ASIC1: variants seen among roughly 807,000 people sequenced by gnomAD.
ASIC1 encodes the protein acid-sensing ion channel 1.
In ASIC1, 21 loss-of-function variants were observed where a neutral mutation model predicts 63.4. The ratio of observed to expected loss-of-function variants is 0.33; its 90% CI spans 0.23 to 0.48. The LOEUF (loss-of-function observed/expected upper bound fraction) is 0.48, where lower values mean the gene tolerates loss of function less well. Ranked by LOEUF, ASIC1 falls within the 20% of genes least tolerant of loss-of-function variation. The pLI, the probability that ASIC1 is intolerant of heterozygous loss-of-function variation, is 0.99. For synonymous variants in ASIC1, 258 were observed against 278.2 expected (o/e 0.93, Z 0.72); for missense variants, 478 against 695.5 (o/e 0.69, Z 3.52).
intron 9 of ASIC1, 81 bp from the exon 10 acceptor site, chr12:50,081,021 T>C: frequency 7.9e-7 from 1 of 1,271,960 alleles, no homozygotes; most frequent in Non-Finnish European, 1.1e-6. Flanking sequence ...AGAATACAAC[T>C]TGCCTGCCCC....
Position 50,082,892 on chromosome 12 carries a change from C to G in ASIC1, c.*1243C>G, listed in dbSNP as rs1186249934. The G allele has an allele frequency of 6.5e-6, 1 of 152,940 alleles. No individual in the cohort carries two copies. Among genetic ancestry groups the G allele is most frequent in the African/African-American group, 2.4e-5 (1 of 41,452 alleles). 9.5% of individuals were successfully genotyped at this position (152,940 alleles called of 1,614,324 possible). A position where few individuals can be genotyped will look rare whatever the true frequency, so the allele number is the denominator to read the frequency against. ...TCTCCCCCAACCCGGGCACCCTCGG[C>G]CCTCCCTGCAGCCTTAACATTCTCT... On this transcript the variant is annotated 3_prime_UTR_variant, in exon 12 of 12. Transcript: ENST00000447966.
chr12:50,079,073 A>G (rs969683251), intron 7 of ASIC1, 93 bp downstream of exon 7: 2 of 1,283,920 alleles, frequency 1.6e-6, no homozygotes, highest in Non-Finnish European at 2.2e-6. Flanking sequence ...CAGAAGCCTC[A>G]CATAACTCCT....
At chr12:50,068,247 C>T (rs930290878) in intron 3 of ASIC1, among the ~76,000 whole-genome samples, 1 of 152,030 alleles carries the variant, frequency 6.6e-6, no homozygotes, top group African/African-American at 2.4e-5. Context: ...TATGAATATG[C>T]CACAATTGAT....
chr12:50,076,324 G>A (rs542804314), intron 3 of ASIC1, among the ~76,000 whole-genome samples: 11 of 152,094 alleles, frequency 7.2e-5, no homozygotes, highest in African/African-American at 2.4e-4. Context: ...AAAATTAGCC[G>A]GGTGTGATGT....
Position 50,077,357 on chromosome 12 carries a change from G to C in ASIC1, c.703G>C (p.Glu235Gln). 1 of 1,614,184 alleles carries C rather than the reference G, an allele frequency of 6.2e-7. No homozygotes were observed. Among genetic ancestry groups the C allele is most frequent in the Non-Finnish European group, 8.5e-7 (1 of 1,180,018 alleles). Reference protein sequence around the residue: ...QQDEYLPVWGETDETSFEAGI... With the variant: ...QQDEYLPVWGQTDETSFEAGI... ...GGACGAGTACCTGCCTGTGTGGGGG[G>C]AGACTGGTACGTCACCCACTTCAGG... The change falls in exon 4 of 12, where the codon GAG (glutamate) becomes CAG (glutamine). Residue 235 changes from glutamate (E) to glutamine (Q), a missense_variant. By Grantham distance (29) the Glu-to-Gln change is conservative (BLOSUM62 2). Around this residue, in one of 3 missense-constraint regions of ASIC1, gnomAD observed 290 missense variants for 414.9 expected, o/e 0.70. Coordinates refer to ENST00000447966, the MANE Select transcript of ASIC1 (RefSeq NM_001095.4).
intron 3 of ASIC1, among the ~76,000 whole-genome samples, chr12:50,068,271 G>A (rs1257943281): frequency 6.6e-6 from 1 of 152,052 alleles, no homozygotes; most frequent in African/African-American, 2.4e-5. Context: ...TTCTACTGAT[G>A]CTAGACATTT....
At chr12:50,077,960 T>C (rs1950674300) in intron 4 of ASIC1, 40 bp from the exon 5 acceptor site, 1 of 1,579,074 alleles carries the variant, frequency 6.3e-7, no homozygotes, top group South Asian at 1.2e-5. Flanking sequence ...TGTTAGGGAG[T>C]CAGGAGCCCT....
At position 50,074,271 on chromosome 12, in the gene ASIC1, G is replaced by A; in HGVS notation, c.559-2942G>A. 1 of 1,452,526 alleles carries A rather than the reference G, an allele frequency of 6.9e-7. No individual in the cohort carries two copies. The highest frequency in any genetic ancestry group is 9.0e-7 in the Non-Finnish European group (1 of 1,105,108). 90.0% of individuals were successfully genotyped at this position (1,452,526 alleles called of 1,614,324 possible). ...TGAGTGGAGCCCCATGCCTGCCACA[G>A]TACCCCAAGAGTGTCTGCCATGGCT... On this transcript the variant is annotated intron_variant, in intron 3 of 11. Coordinates refer to ENST00000447966, the MANE Select transcript of ASIC1 (RefSeq NM_001095.4). The surrounding 1 kb of genome is among the most constrained non-coding windows in gnomAD (Gnocchi z 4.2).
At chr12:50,077,932 G>A in intron 4 of ASIC1, 68 bp from the exon 5 acceptor site, 4 of 1,538,194 alleles carry the variant, frequency 2.6e-6, no homozygotes, top group South Asian at 1.3e-5. Flanking sequence ...GAGGTAGGAT[G>A]CCCCCAGGTC....
chr12:50,080,493 T>A lies in ASIC1; in HGVS notation c.1206-5T>A. On this transcript the variant is annotated splice_polypyrimidine_tract_variant and splice_region_variant and intron_variant, in intron 8 of 11. Coordinates refer to ENST00000447966, the MANE Select transcript of ASIC1 (RefSeq NM_001095.4). The stretch of plus-strand genomic sequence containing the variant: ...CCTAGGTCTCCTCCCCCAATCCCTG[T>A]GCAGGGAGAACATCCTGGTGCTGGA... The A allele has an allele frequency of 6.2e-7, 1 of 1,613,210 alleles. No homozygotes were observed. The highest frequency in any genetic ancestry group is 8.5e-7 in the Non-Finnish European group (1 of 1,179,154).
chr12:50,082,019 G>A lies in ASIC1; in HGVS notation c.*370G>A. On this transcript the variant is annotated 3_prime_UTR_variant, in exon 12 of 12. Transcript: ENST00000447966. The stretch of plus-strand genomic sequence containing the variant: ...CACCAGTCACCAAAGGCCCTTCCCA[G>A]TGAGGGGTGGAAGGGATCTCTGGGG... The A allele has an allele frequency of 4.2e-6, 1 of 239,528 alleles. No homozygotes were observed. Among genetic ancestry groups the A allele is most frequent in the Non-Finnish European group, 8.2e-6 (1 of 122,574 alleles). 14.8% of individuals were successfully genotyped at this position (239,528 alleles called of 1,614,324 possible).
intron 4 of ASIC1, 86 bp downstream of exon 4, chr12:50,077,449 G>T: frequency 6.4e-7 from 1 of 1,562,938 alleles, no homozygotes; most frequent in South Asian, 1.2e-5. Flanking sequence ...TGTGAGACCT[G>T]GGCAGGGCCC....
chr12:50,076,754 A>C (rs1950658841), intron 3 of ASIC1: 1 of 329,666 alleles, frequency 3.0e-6, no homozygotes, highest in South Asian at 2.5e-5. Context: ...TGAGGCAGTG[A>C]GCAGTACTAG....
chr12:50,072,008 G>A lies in ASIC1; in HGVS notation c.559-5205G>A, dbSNP rs1056810336. On this transcript the variant is annotated intron_variant, in intron 3 of 11. Transcript: ENST00000447966. ...GTGGCAGAAGGATGGAGAGGGGCTA[G>A]AGCTCAAGACTCTGCTTCTGAGGCC... Among the ~76,000 whole-genome samples the A allele has an allele frequency of 5.9e-5, 9 of 152,198 alleles. 1 individual carries two copies. The highest frequency in any genetic ancestry group is 5.9e-4 in the Admixed American group (9 of 15,284).
chr12:50,061,224 AC>A (rs1950497952), intron 3 of ASIC1, among the ~76,000 whole-genome samples: 1 of 152,062 alleles, frequency 6.6e-6, no homozygotes, highest in African/African-American at 2.4e-5. Context: ...GGGAATATGA[AC>A]TGTATTTGTG....
At position 50,083,028 on chromosome 12, in the gene ASIC1, C is replaced by T. The variant is rs1950737023; in HGVS notation, c.*1379C>T. 1 of 152,712 alleles carries T rather than the reference C, an allele frequency of 6.5e-6. No individual in the cohort carries two copies. The highest frequency in any genetic ancestry group is 6.5e-5 in the Admixed American group (1 of 15,288). 9.5% of individuals were successfully genotyped at this position (152,712 alleles called of 1,614,324 possible). On this transcript the variant is annotated 3_prime_UTR_variant, in exon 12 of 12. Coordinates refer to ENST00000447966, the MANE Select transcript of ASIC1 (RefSeq NM_001095.4). Reference sequence around the variant, plus strand: ...CCAGGGGATGGAGGTCTACCCTGGACACTAAGCCAAGTGTGTCAGAGACAG... The same window carrying T: ...CCAGGGGATGGAGGTCTACCCTGGATACTAAGCCAAGTGTGTCAGAGACAG...
At chr12:50,075,286 C>T (rs1950643869) in intron 3 of ASIC1, among the ~76,000 whole-genome samples, 1 of 152,138 alleles carries the variant, frequency 6.6e-6, no homozygotes. Flanking sequence ...GGCCTCAGGC[C>T]AGGAGCCATA....
chr12:50,074,588 T>A lies in ASIC1; in HGVS notation c.559-2625T>A, dbSNP rs1950634587. 6.6e-6 allele frequency among the ~76,000 whole-genome samples: 1 copy of A among 152,218 alleles called. No homozygotes were observed. The highest frequency in any genetic ancestry group is 6.5e-5 in the Admixed American group (1 of 15,286). ...GCAGGGCCCGGGACCTTGCTCCATC[T>A]GTGAGGTCAACCTTTGATCTGTTGG... On this transcript the variant is annotated intron_variant, in intron 3 of 11. Coordinates refer to ENST00000447966, the MANE Select transcript of ASIC1 (RefSeq NM_001095.4). The surrounding 1 kb of genome is among the most constrained non-coding windows in gnomAD (Gnocchi z 4.2).
chr12:50,080,126 G>A, intron 8 of ASIC1, 71 bp downstream of exon 8: 1 of 1,533,992 alleles, frequency 6.5e-7, no homozygotes, highest in Non-Finnish European at 8.8e-7. Flanking sequence ...GGGTTTGATG[G>A]GGGCGGGGGC....
Sources: allele counts gnomAD v4.1 joint callset (sites outside exome capture counted in the v4.1 genomes callset), GRCh38; gene constraint gnomAD v4.1.1; regional missense constraint gnomAD v4.1.1; non-coding constraint Gnocchi (gnomAD v3.1); transcripts MANE v1.5; gene names NCBI Gene and HGNC (gene_info 2026-07-23, HGNC 2026-07-21).